Variants in VPS41 observed in about 807,000 individuals in gnomAD.
VPS41 encodes the protein vacuolar protein sorting-associated protein 41 homolog.
VPS41 carries 85 observed loss-of-function variants against 130.9 expected under a neutral mutation model. That is an observed-to-expected ratio of 0.65 (90% CI 0.55 to 0.78). The LOEUF is 0.78. Among genes scored for constraint, VPS41 ranks in the 30% least tolerant of loss-of-function variants. VPS41 has a pLI of 0.00. For synonymous variants in VPS41, 335 were observed against 332.9 expected (o/e 1.01, Z -0.07); for missense variants, 874 against 1,018.7 (o/e 0.86, Z 1.93).
chr7:38,908,547 C>G (rs889067733), intron 1 of VPS41, among the ~76,000 whole-genome samples: 5 of 152,126 alleles, frequency 3.3e-5, no homozygotes, highest in African/African-American at 1.2e-4. Context: ...CTTAAACCAC[C>G]CTCTGAGGAC....
chr7:38,887,125 C>T (rs1275040633), intron 2 of VPS41, among the ~76,000 whole-genome samples: 3 of 152,106 alleles, frequency 2.0e-5, no homozygotes, highest in Non-Finnish European at 4.4e-5. Flanking sequence ...TCTTCTCCTC[C>T]AAAGGAACAC....
At chr7:38,893,163 C>T (rs1460309113) in intron 2 of VPS41, among the ~76,000 whole-genome samples, 4 of 152,188 alleles carry the variant, frequency 2.6e-5, no homozygotes, top group African/African-American at 7.2e-5. Context: ...GCTTCACAAC[C>T]GCACCAATTT....
chr7:38,773,445 C>T (rs1270892528), intron 12 of VPS41, among the ~76,000 whole-genome samples: 5 of 152,112 alleles, frequency 3.3e-5, no homozygotes, highest in Non-Finnish European at 7.4e-5. Flanking sequence ...TTTCCTTTGG[C>T]CACAATGAGA....
intron 3 of VPS41, among the ~76,000 whole-genome samples, chr7:38,867,750 T>C (rs1786260492): frequency 6.6e-6 from 1 of 151,986 alleles, no homozygotes; most frequent in African/African-American, 2.4e-5. Flanking sequence ...GGACAAATAA[T>C]TCAGAACAAT....
chr7:38,895,139 T>C (rs1322752150), intron 2 of VPS41, among the ~76,000 whole-genome samples: 2 of 152,172 alleles, frequency 1.3e-5, no homozygotes, highest in East Asian at 3.9e-4. Context: ...TTGGCCAACA[T>C]GGCAAAACCC....
intron 7 of VPS41, among the ~76,000 whole-genome samples, chr7:38,812,306 T>C (rs983630698): frequency 1.3e-5 from 2 of 152,134 alleles, no homozygotes; most frequent in African/African-American, 4.8e-5. Context: ...AGAATAGTCT[T>C]TGCAACAGTG....
intron 25 of VPS41, among the ~76,000 whole-genome samples, chr7:38,731,128 A>G (rs1246252971): frequency 2.0e-5 from 3 of 152,186 alleles, no homozygotes; most frequent in African/African-American, 7.2e-5. Context: ...AAAACAGGAA[A>G]ACATTTTAAG....
At chr7:38,792,994 CTT>C (rs1166535714) in intron 9 of VPS41, among the ~76,000 whole-genome samples, 1 of 152,186 alleles carries the variant, frequency 6.6e-6, no homozygotes, top group African/African-American at 2.4e-5. Flanking sequence ...AGCTGTATAA[CTT>C]TTCTCTCCAG....
At chr7:38,735,304 C>G (rs1584362988) in intron 25 of VPS41, among the ~76,000 whole-genome samples, 1 of 151,914 alleles carries the variant, frequency 6.6e-6, no homozygotes, top group South Asian at 2.1e-4. Flanking sequence ...CACGTAGGCC[C>G]AAAAAAAGGT....
intron 2 of VPS41, among the ~76,000 whole-genome samples, chr7:38,892,349 T>C (rs1365037004): frequency 6.6e-6 from 1 of 152,144 alleles, no homozygotes; most frequent in East Asian, 1.9e-4. Flanking sequence ...GAAGTCTGTG[T>C]TTTTATCTGT....
At chr7:38,773,684 C>T (rs1784198076) in intron 12 of VPS41, among the ~76,000 whole-genome samples, 1 of 152,102 alleles carries the variant, frequency 6.6e-6, no homozygotes, top group African/African-American at 2.4e-5. Context: ...TAAAATGTGC[C>T]AGAAGTCTTT....
chr7:38,742,839 G>C (rs757215189), intron 24 of VPS41, among the ~76,000 whole-genome samples: 2 of 151,808 alleles, frequency 1.3e-5, no homozygotes, highest in African/African-American at 4.8e-5. Flanking sequence ...TTTCTGTTAG[G>C]TGACTGCTTT....
chr7:38,799,540 T>C (rs1784685142), intron 7 of VPS41, among the ~76,000 whole-genome samples: 1 of 152,086 alleles, frequency 6.6e-6, no homozygotes, highest in Non-Finnish European at 1.5e-5. Flanking sequence ...AACATTTCAT[T>C]GAGGGATACG....
intron 16 of VPS41, among the ~76,000 whole-genome samples, chr7:38,765,276 T>G (rs1342495257): frequency 1.3e-5 from 2 of 152,146 alleles, no homozygotes; most frequent in East Asian, 1.9e-4. Context: ...CTTTATAACC[T>G]ACTGGATGAG....
Position 38,816,179 on chromosome 7 carries a change from C to T in VPS41, c.450+1638G>A, listed in dbSNP as rs552064966. On this transcript the variant is annotated intron_variant, in intron 7 of 28. Coordinates refer to ENST00000310301, the MANE Select transcript of VPS41 (RefSeq NM_014396.4). Reference sequence around the variant, plus strand: ...AGAATGTGAGATTAGGTCTGTAATTCCCACTAATTAGTCCCCTGGACATTT... The same window carrying T: ...AGAATGTGAGATTAGGTCTGTAATTTCCACTAATTAGTCCCCTGGACATTT... Among the ~76,000 whole-genome samples, 40 of 152,212 alleles carry T rather than the reference C, an allele frequency of 2.6e-4. No individual in the cohort carries two copies. The East Asian group carries it at 5.0e-3, about 19-fold the overall frequency.
At chr7:38,824,262 T>C (rs1019388595) in intron 5 of VPS41, among the ~76,000 whole-genome samples, 4 of 152,342 alleles carry the variant, frequency 2.6e-5, no homozygotes, top group Admixed American at 2.6e-4. Context: ...TGCTTTACCT[T>C]AGTGGTTCTC....
chr7:38,763,542 A>G lies in VPS41; in HGVS notation c.1335T>C (p.Ile445=), dbSNP rs1392188380. 6.3e-7 allele frequency: 1 copy of G among 1,596,758 alleles called. No homozygotes were observed. The highest frequency in any genetic ancestry group is 8.5e-7 in the Non-Finnish European group (1 of 1,173,586). Residue 445 remains isoleucine, a synonymous_variant, in exon 17 of 29, where the codon ATT becomes ATC. Coordinates refer to ENST00000310301, the MANE Select transcript of VPS41 (RefSeq NM_014396.4). ...KFKEIGQLKA[I]SPYLPRGDPV... is the part of the protein sequence containing the mutation. ...GATCACCTCTTGGCAAATAAGGACT[A>G]ATAGCCTAGGTAAGGAAAAGGGAAA...
rs372738528 is a variant in VPS41 at position 38,756,884 on chromosome 7, C to A, written c.1649G>T (p.Ser550Ile). 3.8e-6 allele frequency: 6 copies of A among 1,596,896 alleles called. No individual in the cohort carries two copies. In the African/African-American group the frequency reaches 5.4e-5, roughly 14 times the overall value. The part of the protein sequence containing the change: ...FQLIHKHNLF[S>I]SIKDKIVLLM... ...TAAAACAATTTTATCCTTGATAGAACTGAAAAGATTATGCTTGTGGATCAA... is the reference window on the plus strand; with the variant it reads ...TAAAACAATTTTATCCTTGATAGAAATGAAAAGATTATGCTTGTGGATCAA... The change falls in exon 19 of 29, where the codon AGT (serine) becomes ATT (isoleucine). Residue 550 changes from serine (S) to isoleucine (I), a missense_variant. Coordinates refer to ENST00000310301, the MANE Select transcript of VPS41 (RefSeq NM_014396.4).
intron 9 of VPS41, among the ~76,000 whole-genome samples, chr7:38,792,816 A>C (rs1454940061): frequency 6.6e-6 from 1 of 150,558 alleles, no homozygotes; most frequent in Non-Finnish European, 1.5e-5. Flanking sequence ...CCTCCACCAC[A>C]CCCTCCCCGA....
Sources: gnomAD v4.1 joint callset for allele counts (sites outside exome capture counted in the v4.1 genomes callset) on GRCh38, gnomAD v4.1.1 for gene constraint, MANE v1.5 for transcripts, NCBI Gene and HGNC (gene_info 2026-07-23, HGNC 2026-07-21) for gene names.